TMEM135: variants seen among roughly 807,000 people sequenced by gnomAD.
The protein encoded by TMEM135 is transmembrane protein 135.
A neutral mutation model predicts 60.3 loss-of-function variants in TMEM135; 30 were observed. The ratio of observed to expected loss-of-function variants is 0.50; its 90% CI spans 0.37 to 0.68. TMEM135 has a LOEUF of 0.68. Ranked by LOEUF, TMEM135 falls within the 30% of genes least tolerant of loss-of-function variation. The pLI is 0.00. For synonymous variants in TMEM135, 190 were observed against 186.7 expected (o/e 1.02, Z -0.14); for missense variants, 468 against 548.8 (o/e 0.85, Z 1.47).
intron 4 of TMEM135, among the ~76,000 whole-genome samples, chr11:87,126,733 C>T (rs1210988259): frequency 2.0e-5 from 3 of 152,012 alleles, no homozygotes; most frequent in Non-Finnish European, 2.9e-5. Context: ...TGAAGTATAG[C>T]AAATGCTATA....
At chr11:87,121,858 T>C (rs1937602826) in intron 4 of TMEM135, among the ~76,000 whole-genome samples, 1 of 152,132 alleles carries the variant, frequency 6.6e-6, no homozygotes, top group African/African-American at 2.4e-5. Context: ...CAGGGTGGTC[T>C]CGAACTCCTG....
At chr11:87,234,002 A>T (rs948841465) in intron 5 of TMEM135, among the ~76,000 whole-genome samples, 6 of 152,142 alleles carry the variant, frequency 3.9e-5, no homozygotes, top group African/African-American at 1.4e-4. Context: ...AAAACTTTTT[A>T]AAAACTTAGC....
At chr11:87,191,702 G>A (rs986298657) in intron 5 of TMEM135, among the ~76,000 whole-genome samples, 1 of 152,072 alleles carries the variant, frequency 6.6e-6, no homozygotes, top group Non-Finnish European at 1.5e-5. Context: ...TCTATTATTC[G>A]GAATTGTTTG....
chr11:87,152,358 T>C (rs957076370), intron 4 of TMEM135, among the ~76,000 whole-genome samples: 1 of 152,256 alleles, frequency 6.6e-6, no homozygotes, highest in Non-Finnish European at 1.5e-5. Context: ...ATATTTAATG[T>C]AATGGCTTTT....
intron 5 of TMEM135, among the ~76,000 whole-genome samples, chr11:87,223,698 A>ACACACACACAC (rs1565492145): frequency 1.4e-5 from 2 of 140,672 alleles, no homozygotes; most frequent in African/African-American, 5.9e-5. Flanking sequence ...CACACACACA[A>ACACACACACAC]AATTAGCTGG....
intron 4 of TMEM135, among the ~76,000 whole-genome samples, chr11:87,109,054 G>A (rs1299095838): frequency 6.6e-6 from 1 of 152,144 alleles, no homozygotes; most frequent in African/African-American, 2.4e-5. Context: ...AGGGAGTGAA[G>A]GGATTGGGTG....
At chr11:87,220,602 G>A (rs1473277763) in intron 5 of TMEM135, among the ~76,000 whole-genome samples, 2 of 152,162 alleles carry the variant, frequency 1.3e-5, no homozygotes, top group African/African-American at 4.8e-5. Context: ...AACTTTGTGG[G>A]TGGAGACAGC....
At chr11:87,100,483 T>G (rs1233685046) in intron 4 of TMEM135, among the ~76,000 whole-genome samples, 1 of 152,230 alleles carries the variant, frequency 6.6e-6, no homozygotes, top group Non-Finnish European at 1.5e-5. Context: ...GAGACTAAGT[T>G]GAAATTGTTG....
At chr11:87,183,377 G>A (rs1204628519) in intron 5 of TMEM135, among the ~76,000 whole-genome samples, 1 of 151,372 alleles carries the variant, frequency 6.6e-6, no homozygotes, top group Admixed American at 6.6e-5. Context: ...TCCTGACCTT[G>A]TGATCTGCCT....
chr11:87,235,593 T>C (rs972049948), intron 5 of TMEM135, among the ~76,000 whole-genome samples: 1 of 151,992 alleles, frequency 6.6e-6, no homozygotes, highest in African/African-American at 2.4e-5. Context: ...TTCATTTCTG[T>C]TCTTGTGGTC....
At chr11:87,213,779 A>G (rs983525890) in intron 5 of TMEM135, among the ~76,000 whole-genome samples, 5 of 152,226 alleles carry the variant, frequency 3.3e-5, no homozygotes, top group African/African-American at 1.2e-4. Flanking sequence ...TAAATATTCA[A>G]TCAGCGTTGA....
rs767104802 is a variant in TMEM135, at chr11:87,185,726, G to A, written c.462+28320G>A. Among the ~76,000 whole-genome samples the A allele has an allele frequency of 9.1e-4, 138 of 151,886 alleles. 2 individuals are homozygous for A. Among genetic ancestry groups the A allele is most frequent in the Non-Finnish European group, 3.1e-4 (21 of 67,942 alleles). The stretch of plus-strand genomic sequence containing the variant: ...GGAAACTTGTATTCTTCAACTATTT[G>A]GTTGCCTTTCATATGGGAAAGATAA... On this transcript the variant is annotated intron_variant, in intron 5 of 14. Transcript: ENST00000305494.
intron 5 of TMEM135, among the ~76,000 whole-genome samples, chr11:87,158,755 C>T (rs180933523): frequency 1.1e-4 from 17 of 152,250 alleles, no homozygotes; most frequent in African/African-American, 2.4e-4. Flanking sequence ...TGAGCCACCG[C>T]GCCCGGCCTA....
At chr11:87,150,367 C>A (rs893705272) in intron 4 of TMEM135, among the ~76,000 whole-genome samples, 1 of 152,120 alleles carries the variant, frequency 6.6e-6, no homozygotes, top group Non-Finnish European at 1.5e-5. Context: ...TCTGTTGCTT[C>A]GTTGTATCTA....
intron 6 of TMEM135, among the ~76,000 whole-genome samples, chr11:87,254,198 C>G (rs1461471445): frequency 6.6e-6 from 1 of 151,748 alleles, no homozygotes; most frequent in Non-Finnish European, 1.5e-5. Flanking sequence ...TTGGTGATTA[C>G]TAGAGGGAGT....
At chr11:87,117,177 A>AAGTTG (rs1857910750) in intron 4 of TMEM135, among the ~76,000 whole-genome samples, 1 of 152,176 alleles carries the variant, frequency 6.6e-6, no homozygotes, top group Non-Finnish European at 1.5e-5. Flanking sequence ...TTATAGCTAC[A>AAGTTG]AGTTGATAGT....
intron 4 of TMEM135, among the ~76,000 whole-genome samples, chr11:87,131,223 C>T (rs948362242): frequency 1.3e-4 from 20 of 152,102 alleles, no homozygotes; most frequent in African/African-American, 4.8e-4. Context: ...TTAATTGAAG[C>T]TTATAGTTTA....
At chr11:87,130,883 T>C (rs1937907088) in intron 4 of TMEM135, among the ~76,000 whole-genome samples, 1 of 152,062 alleles carries the variant, frequency 6.6e-6, no homozygotes, top group South Asian at 2.1e-4. Context: ...TTAAATAAAT[T>C]GGTTTGTATA....
At chr11:87,273,288 A>G (rs1292586192) in intron 6 of TMEM135, among the ~76,000 whole-genome samples, 2 of 152,216 alleles carry the variant, frequency 1.3e-5, no homozygotes, top group Admixed American at 1.3e-4. Context: ...ATTAAATAAA[A>G]TACCATACAG....
Sources: gnomAD v4.1 joint callset for allele counts (sites outside exome capture counted in the v4.1 genomes callset) on GRCh38, gnomAD v4.1.1 for gene constraint, MANE v1.5 for transcripts, NCBI Gene and HGNC (gene_info 2026-07-23, HGNC 2026-07-21) for gene names.